TENT4A: variants seen among roughly 807,000 people sequenced by gnomAD.
TENT4A encodes the protein DNA polymerase kappa.
Under a neutral mutation model 72.8 loss-of-function variants are expected in TENT4A, and 7 were observed. The ratio of observed to expected loss-of-function variants is 0.10; its 90% CI spans 0.05 to 0.18. The LOEUF is 0.18. Among genes scored for constraint, TENT4A ranks in the 10% least tolerant of loss-of-function variants. The pLI is 1.00. For missense variants in TENT4A, 831 were observed against 1,017.7 expected (o/e 0.82, Z 2.50); for synonymous variants, 456 against 434.3 (o/e 1.05, Z -0.62).
chr5:6,749,456 C>T lies in TENT4A; in HGVS notation c.1587-101C>T, dbSNP rs1742276328. On this transcript the variant is annotated intron_variant, in intron 8 of 12. Coordinates refer to ENST00000230859, the MANE Select transcript of TENT4A (RefSeq NM_006999.6). ...TCCTTTCCTACTGTCCTTCACCTAGCGAGATGATCTGTTAGGGGTATAAGG... is the reference window on the plus strand; with the variant it reads ...TCCTTTCCTACTGTCCTTCACCTAGTGAGATGATCTGTTAGGGGTATAAGG... 2 of 696,658 alleles carry T rather than the reference C, an allele frequency of 2.9e-6. 1 individual carries two copies. The highest frequency in any genetic ancestry group is 3.5e-5 in the South Asian group (2 of 57,060). 43.2% of individuals were successfully genotyped at this position (696,658 alleles called of 1,614,324 possible). A position where few individuals can be genotyped will look rare whatever the true frequency, so the allele number is the denominator to read the frequency against.
intron 12 of TENT4A, among the ~76,000 whole-genome samples, chr5:6,753,822 A>G (rs978750372): frequency 2.0e-5 from 3 of 152,240 alleles, no homozygotes; most frequent in South Asian, 2.1e-4. Flanking sequence ...GAGTTAAGTA[A>G]TAGAACATTT....
chr5:6,751,211 T>C lies in TENT4A; in HGVS notation c.2019+14T>C, dbSNP rs866914562. 11 of 1,614,096 alleles carry C rather than the reference T, an allele frequency of 6.8e-6. No homozygotes were observed. Among genetic ancestry groups the C allele is most frequent in the African/African-American group, 5.3e-5 (4 of 75,068 alleles). ...ACCAACAATCAGGTACGTGGCCCTC[T>C]GGCACCCTTCCCGCTGGTGGCCCCT... On this transcript the variant is annotated intron_variant, in intron 11 of 12. Transcript: ENST00000230859.
chr5:6,724,670 T>C (rs1740821442), intron 1 of TENT4A, among the ~76,000 whole-genome samples: 1 of 152,200 alleles, frequency 6.6e-6, no homozygotes, highest in African/African-American at 2.4e-5. Context: ...AAGCGCGTTT[T>C]AGGATTGGTT....
At chr5:6,724,320 G>A (rs1740799363) in intron 1 of TENT4A, among the ~76,000 whole-genome samples, 1 of 152,148 alleles carries the variant, frequency 6.6e-6, no homozygotes, top group Non-Finnish European at 1.5e-5. Context: ...TTTGGTTATA[G>A]GCATCGTCTC....
chr5:6,728,280 T>C (rs1741039553), intron 1 of TENT4A, among the ~76,000 whole-genome samples: 1 of 152,214 alleles, frequency 6.6e-6, no homozygotes, highest in Admixed American at 6.5e-5. Flanking sequence ...TGTCAGCTAA[T>C]GAGTATTCAT....
At position 6,755,292 on chromosome 5, in the gene TENT4A, C is replaced by A. The variant is rs1742636036; in HGVS notation, c.*347C>A. The A allele has an allele frequency of 1.0e-5, 2 of 196,494 alleles. No homozygotes were observed. Among genetic ancestry groups the A allele is most frequent in the Admixed American group, 1.2e-4 (2 of 16,414 alleles). The allele number at this position is 196,494 out of a possible 1,614,324, so 12.2% of individuals were successfully genotyped here. A position where few individuals can be genotyped will look rare whatever the true frequency, so the allele number is the denominator to read the frequency against. On this transcript the variant is annotated 3_prime_UTR_variant, in exon 13 of 13. Transcript: ENST00000230859. ...CCTTCGCGGTTTGCTATTTTCATTT[C>A]CTGTTCGTCAAAGCAGCAGAGGAGA...
rs1461933384 is a variant in TENT4A at position 6,756,791 on chromosome 5, G to A, written c.*1846G>A. On this transcript the variant is annotated 3_prime_UTR_variant, in exon 13 of 13. Coordinates refer to ENST00000230859, the MANE Select transcript of TENT4A (RefSeq NM_006999.6). Reference sequence around the variant, plus strand: ...AAACCCACATTAAGGAAACCACTACGGGTCTGGCAGTGCGTGTCCCGTGGG... The same window carrying A: ...AAACCCACATTAAGGAAACCACTACAGGTCTGGCAGTGCGTGTCCCGTGGG... 6 of 152,520 alleles carry A rather than the reference G, an allele frequency of 3.9e-5. No individual in the cohort carries two copies. Among genetic ancestry groups the A allele is most frequent in the Non-Finnish European group, 8.8e-5 (6 of 68,038 alleles). 9.4% of individuals were successfully genotyped at this position (152,520 alleles called of 1,614,324 possible). A position where few individuals can be genotyped will look rare whatever the true frequency, so the allele number is the denominator to read the frequency against.
intron 1 of TENT4A, among the ~76,000 whole-genome samples, chr5:6,715,290 A>C (rs1740310866): frequency 6.6e-6 from 1 of 152,220 alleles, no homozygotes; most frequent in Non-Finnish European, 1.5e-5. Context: ...CAGATTTGTC[A>C]TATATGTCTA....
At chr5:6,742,451 CTGCA>C in intron 4 of TENT4A, 35 bp from the exon 5 acceptor site, 1 of 1,320,748 alleles carries the variant, frequency 7.6e-7, no homozygotes. Context: ...GTGGAGAGTC[CTGCA>C]TGTTAAAGCA....
At chr5:6,718,588 C>T (rs955576449) in intron 1 of TENT4A, among the ~76,000 whole-genome samples, 1 of 152,196 alleles carries the variant, frequency 6.6e-6, no homozygotes, top group Admixed American at 6.5e-5. Flanking sequence ...TGAAGAGAAG[C>T]GTGTATGTAT....
Position 6,751,124 on chromosome 5 carries a change from C to G in TENT4A, c.1946C>G (p.Thr649Ser), listed in dbSNP as rs370241452. 2.0e-5 allele frequency: 33 copies of G among 1,614,110 alleles called. No homozygotes were observed. The highest frequency in any genetic ancestry group is 2.5e-5 in the Non-Finnish European group (30 of 1,180,034). Residue 649 changes from threonine to serine, a missense_variant, in exon 11 of 13, where the codon ACC (threonine) becomes AGC (serine). Thr to Ser is a moderately conservative substitution (Grantham distance 58). Coordinates refer to ENST00000230859, the MANE Select transcript of TENT4A (RefSeq NM_006999.6). ...GCTCCTCTCATGGCCGGCTTACCCA[C>G]CGCCTTGCCAATGCCCAGTGGCAAA... ...APAPLMAGLP[T>S]ALPMPSGKPQ...
chr5:6,728,021 C>T (rs1741022382), intron 1 of TENT4A, among the ~76,000 whole-genome samples: 1 of 152,224 alleles, frequency 6.6e-6, no homozygotes, highest in South Asian at 2.1e-4. Flanking sequence ...TTGGTGATTT[C>T]CAGCCTTTTG....
chr5:6,729,561 G>C (rs567733327), intron 1 of TENT4A, among the ~76,000 whole-genome samples: 1 of 152,234 alleles, frequency 6.6e-6, no homozygotes, highest in African/African-American at 2.4e-5. Context: ...CGGTTCCCTC[G>C]GAGCACCCAG....
In TENT4A at chr5:6,714,183, C is replaced by T. The variant is rs1443657627; in HGVS notation, c.200C>T (p.Ala67Val). ...CGGGGCAGTGGCGGCCTGGGCCCCG[C>T]GCTGCCCGCCGCGTCGCCCCCGCCG... ...AGRGSGGLGP[A>V]LPAASPPPPG... The change falls in exon 1 of 13, where the codon GCG becomes GTG. Residue 67 changes from alanine (A) to valine (V), a missense_variant. Coordinates refer to ENST00000230859, the MANE Select transcript of TENT4A (RefSeq NM_006999.6). 210 of 949,142 alleles carry T rather than the reference C, an allele frequency of 2.2e-4. No individual in the cohort carries two copies. Among genetic ancestry groups the T allele is most frequent in the Non-Finnish European group, 2.5e-4 (204 of 803,698 alleles). The allele number at this position is 949,142 out of a possible 1,614,324, so 58.8% of individuals were successfully genotyped here.
chr5:6,750,883 T>A, intron 10 of TENT4A, 156 bp from the exon 11 acceptor site: 1 of 681,612 alleles, frequency 1.5e-6, no homozygotes, highest in Non-Finnish European at 2.5e-6. Flanking sequence ...GAAGGAAGCC[T>A]GGGTAGGTTT....
Position 6,753,008 on chromosome 5 carries a change from C to T in TENT4A, c.2155C>T (p.Pro719Ser). 6.2e-7 allele frequency: 1 copy of T among 1,614,188 alleles called. No homozygotes were observed. Among genetic ancestry groups the T allele is most frequent in the Non-Finnish European group, 8.5e-7 (1 of 1,180,048 alleles). Reference sequence around the variant, plus strand: ...GGCCATTCCCTCAGCGTCCCCCAACCCGCTCTCGAGCCCTCATCTGTATCA... The same window carrying T: ...GGCCATTCCCTCAGCGTCCCCCAACTCGCTCTCGAGCCCTCATCTGTATCA... ...SPAIPSASPN[P>S]LSSPHLYHKQ... The change falls in exon 12 of 13, where the codon CCG becomes TCG. Residue 719 changes from proline to serine, a missense_variant. By Grantham distance (74) the Pro-to-Ser change is moderately conservative (BLOSUM62 -1). Around this residue, in one of 3 missense-constraint regions of TENT4A, gnomAD observed 332 missense variants for 324.3 expected, o/e 1.02. Coordinates refer to ENST00000230859, the MANE Select transcript of TENT4A (RefSeq NM_006999.6).
chr5:6,739,217 G>A (rs902251873), intron 3 of TENT4A, among the ~76,000 whole-genome samples: 1 of 152,128 alleles, frequency 6.6e-6, no homozygotes, highest in East Asian at 1.9e-4. Flanking sequence ...TAAATTTCCT[G>A]TGCACTGTCT....
chr5:6,714,480 A>G lies in TENT4A; in HGVS notation c.497A>G (p.His166Arg). 1 of 1,179,366 alleles carries G rather than the reference A, an allele frequency of 8.5e-7. No homozygotes were observed. The highest frequency in any genetic ancestry group is 1.0e-6 in the Non-Finnish European group (1 of 955,496). The allele number at this position is 1,179,366 out of a possible 1,614,324, so 73.1% of individuals were successfully genotyped here. ...AGCGCCCCTGGCACAGCCAACGGGC[A>G]CCCCGGGCCGCGCGGCCCCGCGCCC... ...APSAPGTANG[H>R]PGPRGPAPAG... Residue 166 changes from histidine (H) to arginine (R), a missense_variant, in exon 1 of 13, where the codon CAC becomes CGC. By Grantham distance (29) the His-to-Arg change is conservative. Coordinates refer to ENST00000230859, the MANE Select transcript of TENT4A (RefSeq NM_006999.6).
intron 1 of TENT4A, among the ~76,000 whole-genome samples, chr5:6,716,534 T>G (rs1181777622): frequency 6.6e-6 from 1 of 152,232 alleles, no homozygotes; most frequent in African/African-American, 2.4e-5. Context: ...ACTCTGGTCC[T>G]GCTTGAGTCC....
Sources: gnomAD v4.1 joint callset for allele counts (sites outside exome capture counted in the v4.1 genomes callset) on GRCh38, gnomAD v4.1.1 for gene constraint, gnomAD v4.1.1 regional missense constraint, MANE v1.5 for transcripts, NCBI Gene and HGNC (gene_info 2026-07-23, HGNC 2026-07-21) for gene names.